Variants in ANO3 observed in about 807,000 individuals in gnomAD.
The protein encoded by ANO3 is anoctamin-3.
Under a neutral mutation model 144.8 loss-of-function variants are expected in ANO3, and 99 were observed. The observed-to-expected ratio is 0.68, with a 90% CI of 0.58 to 0.81. The LOEUF (loss-of-function observed/expected upper bound fraction) is 0.81, where lower values mean the gene tolerates loss of function less well. ANO3 is among the 30% of genes least tolerant of loss of function. The pLI, the probability that ANO3 is intolerant of heterozygous loss-of-function variation, is 0.00. For missense variants in ANO3, 905 were observed against 1,202.2 expected, an observed-to-expected ratio of 0.75 and a Z score of 3.66; for synonymous variants, 414 against 392.6, an observed-to-expected ratio of 1.05 and a Z score of -0.64.
At chr11:26,391,051 A>G (rs865903686) in intron 1 of ANO3, among the ~76,000 whole-genome samples, 4 of 152,156 alleles carry the variant, frequency 2.6e-5, no homozygotes. Flanking sequence ...AACTTTGCCA[A>G]CTGTCTTAGT....
At chr11:26,330,212 G>A (rs1211552713), upstream of ANO3, among the ~76,000 whole-genome samples, 1 of 151,880 alleles carries the variant, frequency 6.6e-6, no homozygotes, top group African/African-American at 2.4e-5. Context: ...TCAATGAGTT[G>A]GTTCACATCA....
At chr11:26,649,363 G>GT (rs1311894114) in intron 24 of ANO3, among the ~76,000 whole-genome samples, 4 of 152,150 alleles carry the variant, frequency 2.6e-5, no homozygotes, top group Non-Finnish European at 5.9e-5. Flanking sequence ...AACTTCTGTA[G>GT]TTTTAAACTT....
intron 4 of ANO3, among the ~76,000 whole-genome samples, chr11:26,504,873 G>A (rs1001673460): frequency 9.2e-5 from 14 of 151,966 alleles, no homozygotes; most frequent in Non-Finnish European, 1.8e-4. Context: ...TTAGCCGGGC[G>A]TGGTGGCGGG....
intron 1 of ANO3, among the ~76,000 whole-genome samples, chr11:26,371,277 G>T (rs958337807): frequency 6.6e-6 from 1 of 152,218 alleles, no homozygotes; most frequent in Admixed American, 6.5e-5. Flanking sequence ...TGCCACATGG[G>T]GTTGGTCCAG....
At chr11:26,322,121 C>T (rs546422004) in intron 1 of ANO3, among the ~76,000 whole-genome samples, 12 of 151,880 alleles carry the variant, frequency 7.9e-5, no homozygotes, top group Non-Finnish European at 1.8e-4. Context: ...GTTTATGTAC[C>T]GCATTTTTTT....
chr11:26,633,737 A>G (rs1223339710), intron 18 of ANO3, among the ~76,000 whole-genome samples: 1 of 152,212 alleles, frequency 6.6e-6, no homozygotes, highest in Non-Finnish European at 1.5e-5. Context: ...TTCACATTTT[A>G]CAGACACAGA....
chr11:26,499,678 T>C (rs939266660), intron 4 of ANO3, among the ~76,000 whole-genome samples: 16 of 151,902 alleles, frequency 1.1e-4, no homozygotes, highest in Admixed American at 2.0e-4. Context: ...CCTGCATGAA[T>C]ACCATATGTC....
chr11:26,414,338 C>G (rs985517108), intron 1 of ANO3, among the ~76,000 whole-genome samples: 2 of 152,026 alleles, frequency 1.3e-5, no homozygotes, highest in Admixed American at 6.6e-5. Context: ...ATGCAACCAA[C>G]CTAAATGCCT....
intron 13 of ANO3, among the ~76,000 whole-genome samples, chr11:26,553,934 T>G (rs1049387832): frequency 7.9e-5 from 12 of 152,310 alleles, no homozygotes; most frequent in Admixed American, 6.5e-4. Flanking sequence ...GTAAAACAGT[T>G]TTATAGAAGT....
intron 10 of ANO3, among the ~76,000 whole-genome samples, chr11:26,539,850 G>T (rs1463852740): frequency 6.6e-6 from 1 of 152,008 alleles, no homozygotes; most frequent in Admixed American, 6.6e-5. Flanking sequence ...TCTATACTGG[G>T]TATTATTATT....
intron 1 of ANO3, among the ~76,000 whole-genome samples, chr11:26,239,074 C>T (rs1328930601): frequency 6.7e-6 from 1 of 149,768 alleles, no homozygotes; most frequent in East Asian, 1.9e-4. Context: ...TTTGGATTAA[C>T]TGTAAATAAT....
intron 1 of ANO3, among the ~76,000 whole-genome samples, chr11:26,321,143 A>G (rs1854750795): frequency 1.3e-5 from 2 of 152,082 alleles, no homozygotes; most frequent in South Asian, 4.1e-4. Context: ...ATAATCAAAT[A>G]ATTTAAATAA....
At chr11:26,488,660 C>T (rs905582900) in intron 4 of ANO3, among the ~76,000 whole-genome samples, 60 of 152,196 alleles carry the variant, frequency 3.9e-4, no homozygotes, top group African/African-American at 1.4e-3. Context: ...GTTTGTTCCT[C>T]CCAGTGGGTT....
chr11:26,430,347 CTT>C (rs1463284562), intron 1 of ANO3, among the ~76,000 whole-genome samples: 1 of 151,442 alleles, frequency 6.6e-6, no homozygotes, highest in African/African-American at 2.4e-5. Flanking sequence ...CATATCAAAT[CTT>C]ATATCCTTGC....
At chr11:26,650,559 CA>C (rs1853500127) in intron 24 of ANO3, among the ~76,000 whole-genome samples, 1 of 152,114 alleles carries the variant, frequency 6.6e-6, no homozygotes, top group Non-Finnish European at 1.5e-5. Flanking sequence ...GGTAGTTTTG[CA>C]TAACTAAAGG....
intron 14 of ANO3, among the ~76,000 whole-genome samples, chr11:26,578,785 C>T (rs1021962160): frequency 2.6e-5 from 4 of 152,162 alleles, no homozygotes; most frequent in Admixed American, 1.3e-4. Context: ...TAGATTCCTG[C>T]TATTAGAAGA....
chr11:26,347,641 G>A (rs746513570), intron 1 of ANO3, among the ~76,000 whole-genome samples: 3 of 152,120 alleles, frequency 2.0e-5, no homozygotes, highest in Admixed American at 6.5e-5. Context: ...TGGGCACATG[G>A]CCCGTCCTTA....
chr11:26,649,691 C>G (rs1200103628), intron 24 of ANO3, among the ~76,000 whole-genome samples: 1 of 151,638 alleles, frequency 6.6e-6, no homozygotes, highest in Non-Finnish European at 1.5e-5. Flanking sequence ...GAGCCAAGAC[C>G]GCGCCATTGC....
chr11:26,296,664 G>T (rs946952644), intron 1 of ANO3, among the ~76,000 whole-genome samples: 1 of 152,164 alleles, frequency 6.6e-6, no homozygotes, highest in Non-Finnish European at 1.5e-5. Flanking sequence ...AGACATGGGA[G>T]ATACTTCTAT....
Sources: allele counts gnomAD v4.1 joint callset (sites outside exome capture counted in the v4.1 genomes callset), GRCh38; gene constraint gnomAD v4.1.1; transcripts MANE v1.5; gene names NCBI Gene and HGNC (gene_info 2026-07-23, HGNC 2026-07-21).